Variants in CFAP299 observed in about 807,000 individuals in gnomAD.
CFAP299 encodes cilia and flagella associated protein 299, also known as cilia- and flagella-associated protein 299.
Under a neutral mutation model 27.0 loss-of-function variants are expected in CFAP299, and 21 were observed. The observed-to-expected ratio is 0.78, with a 90% CI of 0.55 to 1.12. The LOEUF (loss-of-function observed/expected upper bound fraction) is 1.12. CFAP299 is among the 50% of genes most tolerant of loss of function. The probability of loss-of-function intolerance (pLI) is 0.00; values close to 1 mark genes in which losing one functional copy is unlikely to be tolerated. For missense variants in CFAP299, 310 were observed against 276.6 expected, an observed-to-expected ratio of 1.12 and a Z score of -0.86; for synonymous variants, 104 against 98.1, an observed-to-expected ratio of 1.06 and a Z score of -0.36.
At chr4:80,922,012 T>C (rs936448614) in intron 4 of CFAP299, among the ~76,000 whole-genome samples, 2 of 152,054 alleles carry the variant, frequency 1.3e-5, no homozygotes, top group Non-Finnish European at 2.9e-5. Flanking sequence ...GACTCAGTTC[T>C]GTATATGTTG....
intron 5 of CFAP299, among the ~76,000 whole-genome samples, chr4:80,952,001 T>C (rs992467409): frequency 1.3e-5 from 2 of 151,970 alleles, no homozygotes; most frequent in Non-Finnish European, 2.9e-5. Flanking sequence ...GGCCAGAGAG[T>C]GGGCGAGGGG....
At chr4:80,950,257 C>CG (rs1011343945) in intron 5 of CFAP299, among the ~76,000 whole-genome samples, 2 of 151,480 alleles carry the variant, frequency 1.3e-5, no homozygotes, top group African/African-American at 4.8e-5. Flanking sequence ...CCCTCCACCC[C>CG]CCCCCTTTCT....
At chr4:80,489,798 T>C (rs1731021621) in intron 2 of CFAP299, among the ~76,000 whole-genome samples, 1 of 152,212 alleles carries the variant, frequency 6.6e-6, no homozygotes, top group Admixed American at 6.5e-5. Flanking sequence ...AGACTACTAA[T>C]TATAATTTTG....
intron 4 of CFAP299, among the ~76,000 whole-genome samples, chr4:80,903,748 A>G (rs1033557204): frequency 6.6e-6 from 1 of 152,116 alleles, no homozygotes; most frequent in Non-Finnish European, 1.5e-5. Flanking sequence ...TCTGAGAGGT[A>G]GCTAGCTCTC....
intron 3 of CFAP299, among the ~76,000 whole-genome samples, chr4:80,704,844 G>A (rs1721728167): frequency 6.6e-6 from 1 of 151,766 alleles, no homozygotes; most frequent in Non-Finnish European, 1.5e-5. Flanking sequence ...TGATATATAT[G>A]ATTTTTGTAT....
chr4:80,689,129 T>C (rs1360660186), intron 3 of CFAP299, among the ~76,000 whole-genome samples: 1 of 152,082 alleles, frequency 6.6e-6, no homozygotes, highest in Non-Finnish European at 1.5e-5. Flanking sequence ...CAGGATATTA[T>C]CCAGGAGAAC....
At chr4:80,832,398 G>A (rs1730344181) in intron 3 of CFAP299, among the ~76,000 whole-genome samples, 1 of 151,918 alleles carries the variant, frequency 6.6e-6, no homozygotes, top group African/African-American at 2.4e-5. Flanking sequence ...ATGTAAATTT[G>A]ACTAAAATGA....
chr4:80,676,979 T>A (rs1463926322), intron 3 of CFAP299, among the ~76,000 whole-genome samples: 1 of 152,108 alleles, frequency 6.6e-6, no homozygotes, highest in Non-Finnish European at 1.5e-5. Context: ...TTTTTCCTTC[T>A]GCTAATTTGG....
At chr4:80,516,073 T>C (rs900799553) in intron 2 of CFAP299, among the ~76,000 whole-genome samples, 5 of 145,308 alleles carry the variant, frequency 3.4e-5, no homozygotes, top group African/African-American at 1.0e-4. Context: ...CAGGATGGAG[T>C]GCAGTGGCGT....
intron 2 of CFAP299, among the ~76,000 whole-genome samples, chr4:80,365,727 TTG>T (rs1723793542): frequency 6.6e-6 from 1 of 152,238 alleles, no homozygotes; most frequent in South Asian, 2.1e-4. Context: ...GGAAATATTT[TTG>T]TGAGATTTTA....
intron 2 of CFAP299, among the ~76,000 whole-genome samples, chr4:80,445,006 T>C (rs887191080): frequency 6.6e-5 from 10 of 152,098 alleles, no homozygotes; most frequent in African/African-American, 2.4e-4. Flanking sequence ...TGGCGATCCA[T>C]TAAAAAGTCA....
At chr4:80,322,280 A>T in the CFAP299 span, among the ~76,000 whole-genome samples, 1 of 152,232 alleles carries the variant, frequency 6.6e-6, no homozygotes, top group Non-Finnish European at 1.5e-5. Context: ...TGGGTAAATA[A>T]AAGGCTTCCC....
intron 4 of CFAP299, among the ~76,000 whole-genome samples, chr4:80,880,393 G>A (rs1253865240): frequency 1.3e-5 from 2 of 152,120 alleles, no homozygotes; most frequent in Non-Finnish European, 2.9e-5. Flanking sequence ...TATAACAACA[G>A]TATTAGTACC....
At chr4:80,579,400 C>A (rs1736054406) in intron 2 of CFAP299, among the ~76,000 whole-genome samples, 1 of 152,052 alleles carries the variant, frequency 6.6e-6, no homozygotes, top group African/African-American at 2.4e-5. Context: ...TGCTACATGC[C>A]CAAGTGAAAA....
intron 3 of CFAP299, among the ~76,000 whole-genome samples, chr4:80,712,651 A>G (rs772907537): frequency 6.6e-6 from 1 of 152,164 alleles, no homozygotes; most frequent in Non-Finnish European, 1.5e-5. Context: ...AACTCAATAT[A>G]TTATAATGTG....
At position 80,857,332 on chromosome 4, in the gene CFAP299, A is replaced by G. The variant is rs533371012; in HGVS notation, c.334-12661A>G. 8.9e-4 allele frequency among the ~76,000 whole-genome samples: 136 copies of G among 152,296 alleles called. 2 individuals are homozygous for G. Among genetic ancestry groups the G allele is most frequent in the African/African-American group, 3.2e-3 (134 of 41,572 alleles). ...GAGACAATGGGGTTTTCTAGATTTTACAATCATGTCATCTGCAAACAGGGA... is the reference window on the plus strand; with the variant it reads ...GAGACAATGGGGTTTTCTAGATTTTGCAATCATGTCATCTGCAAACAGGGA... On this transcript the variant is annotated intron_variant, in intron 3 of 5. Transcript: ENST00000358105.
intron 3 of CFAP299, among the ~76,000 whole-genome samples, chr4:80,625,448 C>A (rs919261599): frequency 1.3e-5 from 2 of 151,630 alleles, no homozygotes; most frequent in Non-Finnish European, 2.9e-5. Context: ...TAAAAGAAGA[C>A]AGAAAAAGAG....
chr4:80,695,694 A>G (rs1721044528), intron 3 of CFAP299, among the ~76,000 whole-genome samples: 2 of 137,124 alleles, frequency 1.5e-5, no homozygotes, highest in South Asian at 4.6e-4. Flanking sequence ...TTTTTTTGAG[A>G]CAGGGTCTTG....
intron 3 of CFAP299, among the ~76,000 whole-genome samples, chr4:80,644,976 A>G (rs576586396): frequency 3.0e-4 from 45 of 152,166 alleles, no homozygotes; most frequent in African/African-American, 1.1e-3. Context: ...AGATTTTATT[A>G]ACCTAGCTTC....
Sources: allele counts gnomAD v4.1 joint callset (sites outside exome capture counted in the v4.1 genomes callset), GRCh38; gene constraint gnomAD v4.1.1; transcripts MANE v1.5; gene names NCBI Gene and HGNC (gene_info 2026-07-23, HGNC 2026-07-21).